The following AGBL4 variants were observed in gnomAD, a reference collection of about 807,000 sequenced individuals.
The protein encoded by AGBL4 is cytosolic carboxypeptidase 6.
A neutral mutation model predicts 66.4 loss-of-function variants in AGBL4; 58 were observed. That is an observed-to-expected ratio of 0.87 (90% CI 0.71 to 1.09). The LOEUF is 1.09. AGBL4 is among the 50% of genes least tolerant of loss of function. The probability of loss-of-function intolerance (pLI) is 0.00; values close to 1 mark genes in which losing one functional copy is unlikely to be tolerated. For synonymous variants in AGBL4, 234 were observed against 222.9 expected (o/e 1.05, Z -0.44); for missense variants, 579 against 631.0 (o/e 0.92, Z 0.88).
At chr1:49,388,939 C>A (rs1644792557) in intron 3 of AGBL4, among the ~76,000 whole-genome samples, 1 of 152,122 alleles carries the variant, frequency 6.6e-6, no homozygotes, top group Non-Finnish European at 1.5e-5. Context: ...ATGAATACAT[C>A]AGAGGTTTTC....
chr1:48,841,975 G>A (rs1646816331), intron 6 of AGBL4, among the ~76,000 whole-genome samples: 1 of 152,100 alleles, frequency 6.6e-6, no homozygotes, highest in Non-Finnish European at 1.5e-5. Context: ...TATCATTCCT[G>A]AATTCTAATC....
At position 48,989,189 on chromosome 1, in the gene AGBL4, T is replaced by C. The variant is rs927305519; in HGVS notation, c.594+56395A>G. ...AGGGTAAAGTCTAAATGTACGGGTG[T>C]GTTCTTCGAGAGCCTTCATTCTTTT... On this transcript the variant is annotated intron_variant, in intron 5 of 13. Transcript: ENST00000371839. 1.6e-4 allele frequency among the ~76,000 whole-genome samples: 25 copies of C among 152,272 alleles called. No homozygotes were observed. The South Asian group carries it at 1.7e-3, about 10-fold the overall frequency.
chr1:48,893,546 A>G (rs7544773), intron 5 of AGBL4, among the ~76,000 whole-genome samples: 76,160 of 151,438 alleles, frequency 0.5, 22,148 homozygotes, highest in Non-Finnish European at 0.67. Context: ...TTAGCTGGGC[A>G]TGGTGGTGGG....
chr1:48,993,448 G>A (rs918670753), intron 5 of AGBL4, among the ~76,000 whole-genome samples: 4 of 152,156 alleles, frequency 2.6e-5, no homozygotes, highest in African/African-American at 9.7e-5. Flanking sequence ...AGGGGTCTGT[G>A]TTGGAGCTGA....
chr1:48,838,136 T>G (rs568588022), intron 6 of AGBL4, among the ~76,000 whole-genome samples: 39 of 152,030 alleles, frequency 2.6e-4, no homozygotes, highest in African/African-American at 8.9e-4. Flanking sequence ...TACAGATCAG[T>G]GCAATCCCTA....
intron 4 of AGBL4, among the ~76,000 whole-genome samples, chr1:49,065,876 A>C (rs1644483327): frequency 6.6e-6 from 1 of 152,202 alleles, no homozygotes; most frequent in Non-Finnish European, 1.5e-5. Flanking sequence ...GAGGAATCCT[A>C]GTTCTAGGTG....
At chr1:49,013,840 A>G (rs1662627380) in intron 5 of AGBL4, among the ~76,000 whole-genome samples, 2 of 152,188 alleles carry the variant, frequency 1.3e-5, no homozygotes, top group African/African-American at 2.4e-5. Flanking sequence ...CATGGCGTCC[A>G]GGTTCCTTAT....
intron 3 of AGBL4, among the ~76,000 whole-genome samples, chr1:49,375,139 A>C (rs1367734435): frequency 6.6e-6 from 1 of 152,132 alleles, no homozygotes; most frequent in Non-Finnish European, 1.5e-5. Flanking sequence ...TTGTAAAACA[A>C]TTCTGAACAA....
chr1:49,613,467 G>A (rs771976223), intron 3 of AGBL4, among the ~76,000 whole-genome samples: 2 of 152,178 alleles, frequency 1.3e-5, no homozygotes, highest in Admixed American at 6.5e-5. Flanking sequence ...GCAGGCAAGC[G>A]AGTGAAGCTT....
At chr1:49,996,447 A>C (rs749969706) in intron 1 of AGBL4, among the ~76,000 whole-genome samples, 1 of 152,188 alleles carries the variant, frequency 6.6e-6, no homozygotes, top group Non-Finnish European at 1.5e-5. Context: ...AATAGAATCA[A>C]ACAAGTAGAA....
chr1:49,340,057 T>C (rs12140838), intron 3 of AGBL4, among the ~76,000 whole-genome samples: 12,666 of 152,200 alleles, frequency 0.083, 797 homozygotes, highest in African/African-American at 0.16. Flanking sequence ...TGCATATCAC[T>C]TCCAAGCTTG....
rs12047050 is a variant in AGBL4 at position 49,096,198 on chromosome 1, G to A, written c.378-50398C>T. Among the ~76,000 whole-genome samples the A allele has an allele frequency of 6.0e-4, 91 of 152,040 alleles. No homozygotes were observed. The East Asian group carries it at 0.016, about 27-fold the overall frequency. On this transcript the variant is annotated intron_variant, in intron 4 of 13. Coordinates refer to ENST00000371839, the MANE Select transcript of AGBL4 (RefSeq NM_032785.4). ...AAAAAGTCAGGAAACAACAGGTGCT[G>A]GAGAAGATGTGGAGAAATAGGAACA... is the stretch of plus-strand genomic sequence containing the variant.
intron 3 of AGBL4, among the ~76,000 whole-genome samples, chr1:49,590,174 C>T (rs542316670): frequency 9.2e-5 from 14 of 152,010 alleles, no homozygotes; most frequent in African/African-American, 2.6e-4. Flanking sequence ...TTGATCAAGA[C>T]GTTGACTACA....
chr1:49,302,781 C>T (rs1048121866), intron 3 of AGBL4, among the ~76,000 whole-genome samples: 1 of 151,544 alleles, frequency 6.6e-6, no homozygotes, highest in East Asian at 1.9e-4. Flanking sequence ...TATTAAGCCC[C>T]ACATGCATTA....
At chr1:49,165,457 AAT>A (rs1227950028) in intron 4 of AGBL4, among the ~76,000 whole-genome samples, 1 of 152,156 alleles carries the variant, frequency 6.6e-6, no homozygotes, top group African/African-American at 2.4e-5. Context: ...TGGCTAAAAG[AAT>A]ATGAGTGGAG....
chr1:49,745,274 G>C (rs957026234), intron 2 of AGBL4, among the ~76,000 whole-genome samples: 1 of 151,980 alleles, frequency 6.6e-6, no homozygotes, highest in Non-Finnish European at 1.5e-5. Context: ...ACGTTCCATA[G>C]TTTACCTATG....
chr1:49,114,285 A>G (rs1370992465), intron 4 of AGBL4, among the ~76,000 whole-genome samples: 1 of 152,180 alleles, frequency 6.6e-6, no homozygotes, highest in African/African-American at 2.4e-5. Flanking sequence ...TTCTTTCTTT[A>G]AACCATATGA....
At chr1:49,990,474 A>G (rs1659854345) in intron 1 of AGBL4, among the ~76,000 whole-genome samples, 1 of 152,164 alleles carries the variant, frequency 6.6e-6, no homozygotes, top group African/African-American at 2.4e-5. Context: ...TCCTTTTGCC[A>G]TGATTATAAG....
At chr1:49,819,374 A>T (rs185196460) in intron 2 of AGBL4, among the ~76,000 whole-genome samples, 11 of 152,340 alleles carry the variant, frequency 7.2e-5, no homozygotes, top group Admixed American at 3.9e-4. Context: ...ATAGTATATT[A>T]GCAACTTACA....
Sources: allele counts gnomAD v4.1 joint callset (sites outside exome capture counted in the v4.1 genomes callset), GRCh38; gene constraint gnomAD v4.1.1; transcripts MANE v1.5; gene names NCBI Gene and HGNC (gene_info 2026-07-23, HGNC 2026-07-21).